The following CD46 variants were observed in gnomAD, a reference collection of about 807,000 sequenced individuals.
CD46 encodes membrane cofactor protein.
CD46 carries 30 observed loss-of-function variants against 53.3 expected under a neutral mutation model. The observed-to-expected ratio is 0.56, with a 90% CI of 0.42 to 0.76. CD46 has a LOEUF of 0.76. Among genes scored for constraint, CD46 ranks in the 30% least tolerant of loss-of-function variants. CD46 has a pLI of 0.00. For missense variants in CD46, 409 were observed against 463.0 expected (o/e 0.88, Z 1.07); for synonymous variants, 142 against 152.0 (o/e 0.93, Z 0.48).
chr1:207,753,840 T>C (rs1318754985), intron 1 of CD46, among the ~76,000 whole-genome samples: 1 of 152,238 alleles, frequency 6.6e-6, no homozygotes, highest in African/African-American at 2.4e-5. Context: ...CAATAACATG[T>C]ATAGTTTCTA....
In CD46 at chr1:207,757,197, G is replaced by C. The variant is rs1178752620; in HGVS notation, c.281G>C (p.Cys94Ser). ...HTWLPVSDDA[C>S]YRETCPYIRD... ...TGGCTACCTGTCTCAGATGACGCCT[G>C]TTATAGTAAGTAAACAAACCTCTTT... is the stretch of plus-strand genomic sequence containing the variant. Residue 94 changes from cysteine (C) to serine (S), a missense_variant, in exon 2 of 13, where the codon TGT becomes TCT. Coordinates refer to ENST00000367042, the MANE Select transcript of CD46 (RefSeq NM_172351.3). 1 of 1,611,956 alleles carries C rather than the reference G, an allele frequency of 6.2e-7. No individual in the cohort carries two copies.
rs760633093 is a variant in CD46 at position 207,767,084 on chromosome 1, A to C, written c.745A>C (p.Lys249Gln). Residue 249 changes from lysine (K) to glutamine (Q), a missense_variant, in exon 6 of 13, where the codon AAA (lysine) becomes CAA (glutamine). By Grantham distance (53) the Lys-to-Gln change is moderately conservative. Transcript: ENST00000367042. ...ISGFGKKFYY[K>Q]ATVMFECDKG... ...AGGATTTGGAAAAAAATTTTACTAC[A>C]AAGCAACAGTTATGTTTGAATGCGA... 2 of 1,613,744 alleles carry C rather than the reference A, an allele frequency of 1.2e-6. No homozygotes were observed. Among genetic ancestry groups the C allele is most frequent in the African/African-American group, 2.7e-5 (2 of 74,930 alleles).
In CD46 at chr1:207,752,400, C is replaced by A; in HGVS notation, c.97+91C>A. 1.6e-6 allele frequency: 2 copies of A among 1,238,552 alleles called. No individual in the cohort carries two copies. Among genetic ancestry groups the A allele is most frequent in the Non-Finnish European group, 2.4e-6 (2 of 844,222 alleles). The allele number at this position is 1,238,552 out of a possible 1,614,324, so 76.7% of individuals were successfully genotyped here. ...TCGCGGGGCGGGGCTCACAGCAGGC[C>A]GTGCCTGTTTGGGGACAGGGTTCTC... On this transcript the variant is annotated intron_variant, in intron 1 of 12. Coordinates refer to ENST00000367042, the MANE Select transcript of CD46 (RefSeq NM_172351.3). This position sits in a 1 kb window ranked among gnomAD's most constrained non-coding sequence, Gnocchi z 4.1.
chr1:207,776,705 T>C (rs1658153244), intron 8 of CD46, among the ~76,000 whole-genome samples: 1 of 152,244 alleles, frequency 6.6e-6, no homozygotes, highest in African/African-American at 2.4e-5. Flanking sequence ...CACGGCACAC[T>C]GCAGCCTCAA....
intron 8 of CD46, among the ~76,000 whole-genome samples, chr1:207,773,262 T>C (rs187276443): frequency 2.6e-4 from 40 of 152,350 alleles, no homozygotes; most frequent in African/African-American, 8.7e-4. Flanking sequence ...TATCATTTTT[T>C]ATTGCGTCTA....
At position 207,761,059 on chromosome 1, in the gene CD46, T is replaced by C; in HGVS notation, c.476-190T>C. On this transcript the variant is annotated intron_variant, in intron 4 of 12. Transcript: ENST00000367042. ...AAGAAAATGAGATTTGTTCTGAAAG[T>C]TAGTTACTACATTAATGGTTTGAAT... 4 of 584,450 alleles carry C rather than the reference T, an allele frequency of 6.8e-6. No individual in the cohort carries two copies. In the South Asian group the frequency reaches 8.3e-5, roughly 12 times the overall value. The allele number at this position is 584,450 out of a possible 1,614,324, so 36.2% of individuals were successfully genotyped here. A position where few individuals can be genotyped will look rare whatever the true frequency, so the allele number is the denominator to read the frequency against.
chr1:207,783,552 ATATCT>A (rs1174359288), intron 9 of CD46: 11 of 429,396 alleles, frequency 2.6e-5, no homozygotes, highest in African/African-American at 6.0e-5. Flanking sequence ...CTTTCTATTC[ATATCT>A]TATATACATG....
chr1:207,767,263 CT>C, intron 6 of CD46, 68 bp downstream of exon 6: 1 of 1,304,572 alleles, frequency 7.7e-7, no homozygotes, highest in Non-Finnish European at 1.1e-6. Context: ...GACTTTATTT[CT>C]TTGATATTAA....
chr1:207,768,234 A>C (rs1214941018), intron 7 of CD46: 2 of 189,232 alleles, frequency 1.1e-5, no homozygotes, highest in Non-Finnish European at 2.2e-5. Flanking sequence ...GGGAAGGGGA[A>C]GGTTCATGTA....
At position 207,785,625 on chromosome 1, in the gene CD46, G is replaced by T; in HGVS notation, c.1025G>T (p.Gly342Val). The T allele has an allele frequency of 1.2e-6, 2 of 1,607,208 alleles. No individual in the cohort carries two copies. Among genetic ancestry groups the T allele is most frequent in the Non-Finnish European group, 8.5e-7 (1 of 1,173,990 alleles). Residue 342 changes from glycine (G) to valine (V), a missense_variant, in exon 11 of 13, where the codon GGA (glycine) becomes GTA (valine). Physicochemically the swap from Gly to Val is moderately radical, Grantham distance 109. Transcript: ENST00000367042. ...IAVIVIAIVV[G>V]VAVICVVPYR... ...GTTTCCTGGTTTCTTATAGTTGTTG[G>T]AGTTGCAGTAATTTGTGTTGTCCCG...
rs1571559592 is a variant in CD46 at position 207,752,072 on chromosome 1, A to G, written c.-141A>G. 2 of 885,500 alleles carry G rather than the reference A, an allele frequency of 2.3e-6. No homozygotes were observed. The highest frequency in any genetic ancestry group is 1.3e-5 in the South Asian group (1 of 74,294). The allele number at this position is 885,500 out of a possible 1,614,324, so 54.9% of individuals were successfully genotyped here. A position where few individuals can be genotyped will look rare whatever the true frequency, so the allele number is the denominator to read the frequency against. ...CCCGGGCGCGGCTCGGGCCACGCCC[A>G]CCTGTCCTGCAGCACTGGATGCTTT... On this transcript the variant is annotated 5_prime_UTR_variant, in exon 1 of 13. Coordinates refer to ENST00000367042, the MANE Select transcript of CD46 (RefSeq NM_172351.3). The surrounding 1 kb of genome is among the most constrained non-coding windows in gnomAD (Gnocchi z 4.1).
chr1:207,767,251 T>G, intron 6 of CD46, 56 bp downstream of exon 6: 1 of 1,439,912 alleles, frequency 6.9e-7, no homozygotes, highest in South Asian at 1.1e-5. Flanking sequence ...CTGTTCATTT[T>G]AGACTTTATT....
intron 8 of CD46, among the ~76,000 whole-genome samples, chr1:207,775,358 C>T (rs1482773017): frequency 6.6e-6 from 1 of 152,102 alleles, no homozygotes; most frequent in Non-Finnish European, 1.5e-5. Flanking sequence ...TATTACTGAC[C>T]TTCTGAAACC....
In CD46 at chr1:207,790,340, T is replaced by G. The variant is rs1292390635; in HGVS notation, c.*36T>G. 1.3e-6 allele frequency: 2 copies of G among 1,500,300 alleles called. No homozygotes were observed. The allele number at this position is 1,500,300 out of a possible 1,614,324, so 92.9% of individuals were successfully genotyped here. A position where few individuals can be genotyped will look rare whatever the true frequency, so the allele number is the denominator to read the frequency against. ...TGAGAGAAAGGTTTGCTTTTATCAT[T>G]AAAAGGTATCTGTTTTCTGTTGTTT... On this transcript the variant is annotated 3_prime_UTR_variant, in exon 12 of 13. Coordinates refer to ENST00000367042, the MANE Select transcript of CD46 (RefSeq NM_172351.3).
At chr1:207,765,334 T>G (rs1465543734) in intron 5 of CD46, among the ~76,000 whole-genome samples, 1 of 152,212 alleles carries the variant, frequency 6.6e-6, no homozygotes, top group Non-Finnish European at 1.5e-5. Context: ...AACAGACATC[T>G]ACAAAAATCT....
intron 1 of CD46, among the ~76,000 whole-genome samples, chr1:207,755,521 A>G (rs1655432342): frequency 6.6e-6 from 1 of 152,234 alleles, no homozygotes; most frequent in Admixed American, 6.5e-5. Context: ...TGAAGGAAAC[A>G]TGTATCAAAT....
In CD46 at chr1:207,776,112, C is replaced by T. The variant is rs982199592; in HGVS notation, c.943+5750C>T. 1.1e-4 allele frequency among the ~76,000 whole-genome samples: 16 copies of T among 152,222 alleles called. No homozygotes were observed. In the South Asian group the frequency reaches 1.2e-3, roughly 12 times the overall value. On this transcript the variant is annotated intron_variant, in intron 8 of 12. Transcript: ENST00000367042. Reference sequence around the variant, plus strand: ...TCCTCCCCTCATCAGGCTGCAGTGTCGCAGGTCAATCTCAGACTGCTGCGC... The same window carrying T: ...TCCTCCCCTCATCAGGCTGCAGTGTTGCAGGTCAATCTCAGACTGCTGCGC...
chr1:207,791,161 A>C (rs1317984903), intron 12 of CD46, among the ~76,000 whole-genome samples: 1 of 152,212 alleles, frequency 6.6e-6, no homozygotes, highest in Non-Finnish European at 1.5e-5. Flanking sequence ...GTCTGGGCCT[A>C]CCCAGTCCTA....
At position 207,756,922 on chromosome 1, in the gene CD46, T is replaced by C. The variant is rs911775849; in HGVS notation, c.98-92T>C. On this transcript the variant is annotated intron_variant, in intron 1 of 12. Transcript: ENST00000367042. Reference sequence around the variant, plus strand: ...AAATCTTGCCAAGGGCCTTTCTGTTTTTTCTGTACTACCTGCTGCCAGACC... The same window carrying C: ...AAATCTTGCCAAGGGCCTTTCTGTTCTTTCTGTACTACCTGCTGCCAGACC... 123 of 1,080,754 alleles carry C rather than the reference T, an allele frequency of 1.1e-4. No homozygotes were observed. In the African/African-American group the frequency reaches 1.5e-3, roughly 13 times the overall value. The allele number at this position is 1,080,754 out of a possible 1,614,324, so 66.9% of individuals were successfully genotyped here.
Sources: allele counts gnomAD v4.1 joint callset (sites outside exome capture counted in the v4.1 genomes callset), GRCh38; gene constraint gnomAD v4.1.1; non-coding constraint Gnocchi (gnomAD v3.1); transcripts MANE v1.5; gene names NCBI Gene and HGNC (gene_info 2026-07-23, HGNC 2026-07-21).